PCDHGA4: variants seen among roughly 807,000 people sequenced by gnomAD.
PCDHGA4 encodes protocadherin gamma subfamily A, 4, also known as protocadherin gamma-A4.
A neutral mutation model predicts 54.6 loss-of-function variants in PCDHGA4; 38 were observed. That is an observed-to-expected ratio of 0.70 (90% CI 0.54 to 0.91). The LOEUF (loss-of-function observed/expected upper bound fraction) is 0.91. PCDHGA4 is among the 40% of genes least tolerant of loss of function. The pLI, the probability that PCDHGA4 is intolerant of heterozygous loss-of-function variation, is 0.00. For missense variants in PCDHGA4, 1,298 were observed against 1,220.9 expected (o/e 1.06, Z -0.94); for synonymous variants, 511 against 512.9 (o/e 1.00, Z 0.05).
chr5:141,493,206 C>A lies in PCDHGA4; in HGVS notation c.2515-1601C>A, dbSNP rs191090598. Among the ~76,000 whole-genome samples the A allele has an allele frequency of 2.4e-3, 368 of 152,322 alleles. 2 individuals carry two copies. Among genetic ancestry groups the A allele is most frequent in the Admixed American group, 4.5e-3 (69 of 15,296 alleles). On this transcript the variant is annotated intron_variant, in intron 1 of 3. Transcript: ENST00000571252. This position sits in a 1 kb window ranked among gnomAD's most constrained non-coding sequence, Gnocchi z 4.3. ...TATAACTCCTTTGAGAACCTCATCT[C>A]ATTTGCTCTTCCCACCATTGCTGTT...
chr5:141,415,435 C>G, intron 1 of PCDHGA4: 1 of 1,614,202 alleles, frequency 6.2e-7, no homozygotes. Flanking sequence ...TCGGGCTTTC[C>G]TGCAGACCTA....
intron 1 of PCDHGA4, chr5:141,417,732 C>G (rs2096153715): frequency 4.3e-6 from 6 of 1,390,462 alleles, no homozygotes; most frequent in Non-Finnish European, 3.8e-6. Flanking sequence ...AGACCTTGCC[C>G]AGCACACCAG....
chr5:141,413,809 C>G, intron 1 of PCDHGA4: 1 of 1,613,188 alleles, frequency 6.2e-7, no homozygotes. Flanking sequence ...AGAGGCCATT[C>G]ACCACCTGGT....
chr5:141,403,984 A>C, intron 1 of PCDHGA4: 1 of 1,613,892 alleles, frequency 6.2e-7, no homozygotes, highest in South Asian at 1.1e-5. Flanking sequence ...ATGACAATAG[A>C]CCTGAAGTGA....
In PCDHGA4 at chr5:141,511,296, A is replaced by C; in HGVS notation, c.*123A>C. 1 of 1,505,968 alleles carries C rather than the reference A, an allele frequency of 6.6e-7. No individual in the cohort carries two copies. The allele number at this position is 1,505,968 out of a possible 1,614,324, so 93.3% of individuals were successfully genotyped here. On this transcript the variant is annotated 3_prime_UTR_variant, in exon 4 of 4. Coordinates refer to ENST00000571252, the MANE Select transcript of PCDHGA4 (RefSeq NM_018917.4). ...CAGAATACTGGTAGGGGCCAAGGCCATGCTCCCCTTGGGAAACAGAAACAA... is the reference window on the plus strand; with the variant it reads ...CAGAATACTGGTAGGGGCCAAGGCCCTGCTCCCCTTGGGAAACAGAAACAA...
Position 141,511,606 on chromosome 5 carries a change from G to A in PCDHGA4, c.*433G>A, listed in dbSNP as rs1160129762. The stretch of plus-strand genomic sequence containing the variant: ...TGTTGAAGTACCAAGTAACCTACAA[G>A]CCTCCTAGTTCTGAAAAGTTGGAAG... On this transcript the variant is annotated 3_prime_UTR_variant, in exon 4 of 4. Transcript: ENST00000571252. 2 of 248,594 alleles carry A rather than the reference G, an allele frequency of 8.0e-6. No individual in the cohort carries two copies. Among genetic ancestry groups the A allele is most frequent in the Non-Finnish European group, 1.6e-5 (2 of 123,946 alleles). 15.4% of individuals were successfully genotyped at this position (248,594 alleles called of 1,614,324 possible). A position where few individuals can be genotyped will look rare whatever the true frequency, so the allele number is the denominator to read the frequency against.
intron 1 of PCDHGA4, 124 bp from the exon 2 acceptor site, chr5:141,494,683 C>G: frequency 6.4e-7 from 1 of 1,569,074 alleles, no homozygotes; most frequent in Non-Finnish European, 8.7e-7. Context: ...CCCCTGCCCC[C>G]TCTTAGTCCG....
At chr5:141,438,591 CATAT>C (rs946798767) in intron 1 of PCDHGA4, among the ~76,000 whole-genome samples, 213 of 75,464 alleles carry the variant, frequency 2.8e-3, no homozygotes, top group African/African-American at 5.5e-3. Flanking sequence ...TACATACATA[CATAT>C]ATATATATAT....
Position 141,510,960 on chromosome 5 carries a change from G to T in PCDHGA4, c.2676G>T (p.Gly892=). The T allele has an allele frequency of 6.2e-7, 1 of 1,614,120 alleles. No individual in the cohort carries two copies. The highest frequency in any genetic ancestry group is 1.3e-5 in the African/African-American group (1 of 75,022). ...ILASASEAAD[G]SSTLGGGAGT... is the part of the protein sequence containing the mutation. ...CTGTCTCTGCAGAAGCTGCTGATGG[G>T]AGCTCCACCCTGGGAGGGGGTGCCG... Residue 892 remains glycine, a synonymous_variant, in exon 4 of 4, where the codon GGG becomes GGT. Transcript: ENST00000571252.
At position 141,366,001 on chromosome 5, in the gene PCDHGA4, C is replaced by T. The variant is rs367829732; in HGVS notation, c.2514+8380C>T. ...GCCTGTTTGTGCTGGACCAGAACGA[C>T]AATACGCCTGAGATCCTGTACCCCG... On this transcript the variant is annotated intron_variant, in intron 1 of 3. Transcript: ENST00000571252. 1.4e-5 allele frequency: 22 copies of T among 1,614,272 alleles called. No individual in the cohort carries two copies. The Admixed American group carries it at 1.8e-4, about 13-fold the overall frequency.
At chr5:141,411,341 G>A (rs903980826) in intron 1 of PCDHGA4, 4 of 152,064 alleles carry the variant, frequency 2.6e-5, no homozygotes, top group Admixed American at 6.5e-5. Context: ...AGGCTGAATC[G>A]GAAAGTATCA....
chr5:141,423,484 A>G, intron 1 of PCDHGA4: 1 of 1,613,722 alleles, frequency 6.2e-7, no homozygotes, highest in Non-Finnish European at 8.5e-7. Flanking sequence ...TTTCCTGCAA[A>G]CCTATTCCCA....
intron 1 of PCDHGA4, chr5:141,423,397 C>A: frequency 1.9e-6 from 3 of 1,614,146 alleles, no homozygotes; most frequent in Non-Finnish European, 2.5e-6. Context: ...GCATAAGTCA[C>A]GCCTGCTGCA....
intron 1 of PCDHGA4, chr5:141,441,144 T>C (rs141609485): frequency 6.6e-6 from 1 of 152,296 alleles, no homozygotes; most frequent in African/African-American, 2.4e-5. Context: ...TAGAAGATAA[T>C]GACAATATCC....
rs1305419943 is a variant in PCDHGA4, at chr5:141,438,625, T to C, written c.2515-56182T>C. Among the ~76,000 whole-genome samples the C allele has an allele frequency of 9.7e-4, 45 of 46,410 alleles. 2 individuals are homozygous for C. Among genetic ancestry groups the C allele is most frequent in the Admixed American group, 2.2e-3 (7 of 3,192 alleles). The allele number at this position is 46,410 out of a possible 152,430, so 30.4% of individuals were successfully genotyped here. On this transcript the variant is annotated intron_variant, in intron 1 of 3. Coordinates refer to ENST00000571252, the MANE Select transcript of PCDHGA4 (RefSeq NM_018917.4). The stretch of plus-strand genomic sequence containing the variant: ...ATATATATATATATATATATATATA[T>C]ATATATATATACACACACACACACA...
intron 1 of PCDHGA4, chr5:141,404,640 T>C (rs368593595): frequency 1.6e-5 from 26 of 1,614,092 alleles, no homozygotes; most frequent in East Asian, 2.2e-5. Context: ...CCAGAAATCC[T>C]GTACCCTGCC....
intron 1 of PCDHGA4, chr5:141,389,731 G>C (rs761645703): frequency 6.2e-7 from 1 of 1,612,688 alleles, no homozygotes; most frequent in Non-Finnish European, 8.5e-7. Context: ...GGGCTCTTCA[G>C]CCTGGGGCTG....
chr5:141,423,065 G>C, intron 1 of PCDHGA4: 1 of 1,614,138 alleles, frequency 6.2e-7, no homozygotes, highest in Non-Finnish European at 8.5e-7. Flanking sequence ...CTTAAGGCCA[G>C]CGAGCCGGGA....
intron 1 of PCDHGA4, chr5:141,377,855 G>A (rs1291859496): frequency 6.6e-6 from 1 of 152,074 alleles, no homozygotes; most frequent in Non-Finnish European, 1.5e-5. Flanking sequence ...TTAAAATTAA[G>A]ATTTAAAAGA....
Sources: gnomAD v4.1 joint callset for allele counts (sites outside exome capture counted in the v4.1 genomes callset) on GRCh38, gnomAD v4.1.1 for gene constraint, Gnocchi (gnomAD v3.1) non-coding constraint, MANE v1.5 for transcripts, NCBI Gene and HGNC (gene_info 2026-07-23, HGNC 2026-07-21) for gene names.